Variants in FAF1 observed in about 807,000 individuals in gnomAD.
FAF1 encodes Fas associated factor 1.
A neutral mutation model predicts 92.5 loss-of-function variants in FAF1; 25 were observed. The observed-to-expected ratio is 0.27, with a 90% CI of 0.20 to 0.38. The LOEUF is 0.38. Among genes scored for constraint, FAF1 ranks in the 10% least tolerant of loss-of-function variants. The probability of loss-of-function intolerance (pLI) is 1.00; values close to 1 mark genes in which losing one functional copy is unlikely to be tolerated. For synonymous variants in FAF1, 234 were observed against 273.2 expected (o/e 0.86, Z 1.42); for missense variants, 636 against 793.3 (o/e 0.80, Z 2.38).
chr1:50,753,581 C>T (rs1439655848), intron 4 of FAF1, among the ~76,000 whole-genome samples: 2 of 152,150 alleles, frequency 1.3e-5, no homozygotes, highest in Non-Finnish European at 1.5e-5. Flanking sequence ...TCTTCAATGT[C>T]AGATCTGCTG....
chr1:50,780,655 T>A, intron 4 of FAF1: 1 of 217,028 alleles, frequency 4.6e-6, no homozygotes. Flanking sequence ...CCTCACATCT[T>A]CATCAGTATC....
intron 4 of FAF1, among the ~76,000 whole-genome samples, chr1:50,762,734 C>G (rs1306474079): frequency 9.9e-5 from 15 of 152,028 alleles, no homozygotes; most frequent in Non-Finnish European, 1.3e-4. Flanking sequence ...ACCATAAAAA[C>G]CCTAGAAGAA....
chr1:50,853,728 T>G (rs1217742427), intron 2 of FAF1, among the ~76,000 whole-genome samples: 1 of 152,096 alleles, frequency 6.6e-6, no homozygotes, highest in African/African-American at 2.4e-5. Flanking sequence ...TTTTAATTTA[T>G]TGAAGGAGTT....
At chr1:50,467,412 C>T (rs1646511137) in intron 18 of FAF1, among the ~76,000 whole-genome samples, 1 of 152,154 alleles carries the variant, frequency 6.6e-6, no homozygotes, top group African/African-American at 2.4e-5. Flanking sequence ...CTCCTGGGTT[C>T]AAGTGATTCT....
chr1:50,751,221 A>G (rs959529721), intron 4 of FAF1, among the ~76,000 whole-genome samples: 1 of 151,878 alleles, frequency 6.6e-6, no homozygotes, highest in Non-Finnish European at 1.5e-5. Flanking sequence ...GATAGAGGGC[A>G]TTGCTGAAGA....
chr1:50,564,020 T>C (rs1471798579), intron 13 of FAF1, among the ~76,000 whole-genome samples: 3 of 152,250 alleles, frequency 2.0e-5, no homozygotes, highest in African/African-American at 7.2e-5. Context: ...TAGCAAGTGA[T>C]ACTCATATTC....
chr1:50,471,097 A>G (rs765180006), intron 18 of FAF1: 3 of 152,242 alleles, frequency 2.0e-5, no homozygotes, highest in Non-Finnish European at 4.4e-5. Flanking sequence ...GCGGTTGCAC[A>G]GCAAATGTTT....
intron 8 of FAF1, among the ~76,000 whole-genome samples, chr1:50,629,930 T>A (rs1477626905): frequency 6.6e-6 from 1 of 151,906 alleles, no homozygotes; most frequent in Admixed American, 6.6e-5. Context: ...TAGTGGCACA[T>A]GCCTGTAATC....
intron 1 of FAF1, among the ~76,000 whole-genome samples, chr1:50,864,321 G>A (rs1330810494): frequency 6.7e-6 from 1 of 150,296 alleles, no homozygotes; most frequent in Non-Finnish European, 1.5e-5. Flanking sequence ...GATCTTTCCT[G>A]CTTTCTCTTG....
intron 1 of FAF1, among the ~76,000 whole-genome samples, chr1:50,944,309 T>TGGA (rs1239411426): frequency 6.6e-6 from 1 of 152,180 alleles, no homozygotes; most frequent in African/African-American, 2.4e-5. Context: ...AACAACAATT[T>TGGA]GGAGGAGCTG....
chr1:50,767,507 T>C (rs1660619106), intron 4 of FAF1, among the ~76,000 whole-genome samples: 1 of 152,084 alleles, frequency 6.6e-6, no homozygotes, highest in Non-Finnish European at 1.5e-5. Flanking sequence ...CCAAGACACA[T>C]AGTCTTCAGA....
chr1:50,585,617 G>T (rs1651189105), intron 9 of FAF1, among the ~76,000 whole-genome samples: 1 of 152,096 alleles, frequency 6.6e-6, no homozygotes, highest in Non-Finnish European at 1.5e-5. Context: ...TAGGTAAGAA[G>T]ACGGTCCAAG....
chr1:50,471,655 C>A (rs1190582083), intron 18 of FAF1, among the ~76,000 whole-genome samples: 1 of 152,134 alleles, frequency 6.6e-6, no homozygotes, highest in African/African-American at 2.4e-5. Flanking sequence ...AAGGCACGTT[C>A]CCTAGGCTAG....
chr1:50,907,246 T>C (rs754184937), intron 1 of FAF1, among the ~76,000 whole-genome samples: 2 of 152,190 alleles, frequency 1.3e-5, no homozygotes, highest in Non-Finnish European at 2.9e-5. Flanking sequence ...GATCGTGGTG[T>C]ATAAACTTTT....
In FAF1 at chr1:50,830,523, C is replaced by A. The variant is rs909486879; in HGVS notation, c.114+27406G>T. Among the ~76,000 whole-genome samples, 3 of 152,324 alleles carry A rather than the reference C, an allele frequency of 2.0e-5. No individual in the cohort carries two copies. The East Asian group carries it at 5.8e-4, about 29-fold the overall frequency. On this transcript the variant is annotated intron_variant, in intron 2 of 18. Transcript: ENST00000396153. ...TGACCATTAGATCAATACAGACTGACCATCTCAGCAACTAATACATCTTCT... is the reference window on the plus strand; with the variant it reads ...TGACCATTAGATCAATACAGACTGAACATCTCAGCAACTAATACATCTTCT...
In FAF1 at chr1:50,723,411, A is replaced by T. The variant is rs193292466; in HGVS notation, c.551+15452T>A. Among the ~76,000 whole-genome samples the T allele has an allele frequency of 8.6e-3, 1,315 of 152,146 alleles. 13 individuals are homozygous for T. Among genetic ancestry groups the T allele is most frequent in the African/African-American group, 0.028 (1,158 of 41,488 alleles). On this transcript the variant is annotated intron_variant, in intron 6 of 18. Coordinates refer to ENST00000396153, the MANE Select transcript of FAF1 (RefSeq NM_007051.3). ...CAAGACTGTCTCCAAAAAAAAAAAA[A>T]AAATAAGTAGGATGAGAACTATTTG...
intron 2 of FAF1, among the ~76,000 whole-genome samples, chr1:50,814,549 C>T (rs149012948): frequency 1.3e-5 from 2 of 152,008 alleles, no homozygotes; most frequent in African/African-American, 4.8e-5. Context: ...AAAAACAAGC[C>T]AATTATAGAT....
At chr1:50,801,488 T>C (rs189611847) in intron 3 of FAF1, 143 bp downstream of exon 3, 3 of 477,152 alleles carry the variant, frequency 6.3e-6, no homozygotes, top group East Asian at 5.9e-5. Context: ...ATATAACACA[T>C]AGAAATATCT....
At chr1:50,614,615 G>A (rs181413659) in intron 8 of FAF1, among the ~76,000 whole-genome samples, 33 of 152,164 alleles carry the variant, frequency 2.2e-4, no homozygotes, top group African/African-American at 7.5e-4. Context: ...CAAGGTGGGC[G>A]GATTACCTAA....
Sources: allele counts gnomAD v4.1 joint callset (sites outside exome capture counted in the v4.1 genomes callset), GRCh38; gene constraint gnomAD v4.1.1; transcripts MANE v1.5; gene names NCBI Gene and HGNC (gene_info 2026-07-23, HGNC 2026-07-21).